COL21A1: variants seen among roughly 807,000 people sequenced by gnomAD.
COL21A1 encodes the protein collagen alpha-1(XXI) chain.
Under a neutral mutation model 137.9 loss-of-function variants are expected in COL21A1, and 149 were observed. The ratio of observed to expected loss-of-function variants is 1.08; its 90% CI spans 0.95 to 1.24. The LOEUF (loss-of-function observed/expected upper bound fraction) is 1.24, where lower values mean the gene tolerates loss of function less well. COL21A1 is among the 50% of genes most tolerant of loss of function. COL21A1 has a pLI of 0.00. For missense variants in COL21A1, 1,167 were observed against 1,158.4 expected (o/e 1.01, Z -0.11); for synonymous variants, 456 against 391.5 (o/e 1.16, Z -1.95).
chr6:56,128,172 T>G (rs559846896), intron 12 of COL21A1, among the ~76,000 whole-genome samples: 43 of 152,186 alleles, frequency 2.8e-4, no homozygotes, highest in Non-Finnish European at 5.7e-4. Context: ...TTTTGTTTGC[T>G]TGTTTTTGGT....
At chr6:56,161,738 T>C (rs568679993) in intron 9 of COL21A1, among the ~76,000 whole-genome samples, 2 of 152,278 alleles carry the variant, frequency 1.3e-5, no homozygotes, top group African/African-American at 4.8e-5. Context: ...TGATGCCTGA[T>C]AAAGAGTTAC....
Position 56,295,399 on chromosome 6 carries a change from T to C in COL21A1, c.-39+98572A>G, listed in dbSNP as rs566688770. 2.2e-3 allele frequency among the ~76,000 whole-genome samples: 337 copies of C among 152,106 alleles called. 2 individuals carry two copies. The highest frequency in any genetic ancestry group is 7.7e-3 in the African/African-American group (320 of 41,540). On this transcript the variant is annotated intron_variant, in intron 1 of 28. Coordinates refer to the COL21A1 transcript ENST00000370819. ...GCTATGTCGACCTGCTGACTTTGCT[T>C]TTCTCCTTCAATATGTTTTTATTCT... is the stretch of plus-strand genomic sequence containing the variant.
At chr6:56,068,143 A>T (rs1271175911) in intron 22 of COL21A1, among the ~76,000 whole-genome samples, 1 of 151,594 alleles carries the variant, frequency 6.6e-6, no homozygotes, top group East Asian at 1.9e-4. Flanking sequence ...TTATGTGGGG[A>T]CACTTCTGTC....
intron 1 of COL21A1, among the ~76,000 whole-genome samples, chr6:56,335,920 G>A (rs542439197): frequency 2.6e-5 from 4 of 152,306 alleles, no homozygotes; most frequent in Admixed American, 6.5e-5. Context: ...AACTGTGAGA[G>A]TCTGGGGGAC....
At chr6:56,243,805 A>G (rs1782489571) in intron 1 of COL21A1, among the ~76,000 whole-genome samples, 1 of 152,212 alleles carries the variant, frequency 6.6e-6, no homozygotes, top group South Asian at 2.1e-4. Flanking sequence ...CTGGCTGCAG[A>G]GTACCTTGTC....
intron 1 of COL21A1, among the ~76,000 whole-genome samples, chr6:56,246,192 A>C (rs1173043244): frequency 1.3e-5 from 2 of 152,188 alleles, no homozygotes; most frequent in African/African-American, 2.4e-5. Context: ...GAATCCCTTA[A>C]ACCCTCAACT....
chr6:56,123,059 A>C (rs1300512582), intron 16 of COL21A1, among the ~76,000 whole-genome samples: 1 of 152,234 alleles, frequency 6.6e-6, no homozygotes, highest in Non-Finnish European at 1.5e-5. Context: ...ATGAATGCTT[A>C]GGTTGCAGGC....
At chr6:56,113,346 T>A (rs1414143573) in intron 16 of COL21A1, among the ~76,000 whole-genome samples, 1 of 152,148 alleles carries the variant, frequency 6.6e-6, no homozygotes, top group Non-Finnish European at 1.5e-5. Context: ...CTTTGTCTTG[T>A]ATCTTGAATA....
At chr6:56,201,918 T>C (rs1779434273) in intron 1 of COL21A1, among the ~76,000 whole-genome samples, 1 of 152,192 alleles carries the variant, frequency 6.6e-6, no homozygotes, top group Non-Finnish European at 1.5e-5. Flanking sequence ...ATTTTTAAAC[T>C]TGTTTCATAA....
At chr6:56,280,418 T>C (rs1023671156) in intron 1 of COL21A1, among the ~76,000 whole-genome samples, 3 of 152,124 alleles carry the variant, frequency 2.0e-5, no homozygotes, top group African/African-American at 7.2e-5. Context: ...TGCAGCTCAG[T>C]GTAACTATCA....
chr6:56,227,193 T>C (rs1026425211), intron 1 of COL21A1, among the ~76,000 whole-genome samples: 2 of 152,000 alleles, frequency 1.3e-5, no homozygotes, highest in African/African-American at 2.4e-5. Context: ...GTTTACCAGA[T>C]GTGAAGTTCA....
At chr6:56,351,704 G>T (rs1765714747) in intron 1 of COL21A1, among the ~76,000 whole-genome samples, 3 of 152,236 alleles carry the variant, frequency 2.0e-5, no homozygotes. Flanking sequence ...CCAGAGGCAG[G>T]CCTCTTTGAA....
intron 1 of COL21A1, among the ~76,000 whole-genome samples, chr6:56,285,864 C>T (rs1763900673): frequency 7.0e-6 from 1 of 143,628 alleles, no homozygotes; most frequent in South Asian, 2.4e-4. Context: ...ATCTCCCAAA[C>T]ACAGCTTGCT....
intron 1 of COL21A1, among the ~76,000 whole-genome samples, chr6:56,328,699 G>C (rs1488783209): frequency 6.6e-6 from 1 of 151,990 alleles, no homozygotes; most frequent in Non-Finnish European, 1.5e-5. Context: ...AAACAAAAAG[G>C]AGTTACTTTG....
intron 17 of COL21A1, among the ~76,000 whole-genome samples, chr6:56,080,737 T>TTTAA (rs763718143): frequency 6.6e-6 from 1 of 151,900 alleles, no homozygotes; most frequent in Non-Finnish European, 1.5e-5. Context: ...GGTAGAGATA[T>TTTAA]TTAATATCCA....
intron 16 of COL21A1, among the ~76,000 whole-genome samples, chr6:56,110,490 G>A (rs948366223): frequency 2.0e-5 from 3 of 151,496 alleles, no homozygotes; most frequent in Non-Finnish European, 2.9e-5. Context: ...CTTGTTTAGT[G>A]AATAAAACTA....
intron 1 of COL21A1, among the ~76,000 whole-genome samples, chr6:56,268,274 C>A (rs961151512): frequency 6.6e-6 from 1 of 152,128 alleles, no homozygotes; most frequent in African/African-American, 2.4e-5. Context: ...ATGGCCTCTA[C>A]CCAAAGTAGC....
chr6:56,126,247 C>G, intron 12 of COL21A1, 98 bp from the exon 13 acceptor site: 1 of 727,664 alleles, frequency 1.4e-6, no homozygotes, highest in Non-Finnish European at 2.3e-6. Flanking sequence ...AAATCCACTT[C>G]AAATCTATCT....
rs1562189091 is a variant in COL21A1, at chr6:56,097,986, TATATATGTAA to T, written c.1812+3476_1812+3485del. 4.6e-3 allele frequency among the ~76,000 whole-genome samples: 210 copies of T among 45,808 alleles called. 3 individuals carry two copies. The highest frequency in any genetic ancestry group is 0.018 in the East Asian group (26 of 1,422). 30.1% of individuals were successfully genotyped at this position (45,808 alleles called of 152,430 possible). A position where few individuals can be genotyped will look rare whatever the true frequency, so the allele number is the denominator to read the frequency against. On this transcript the variant is annotated intron_variant, in intron 17 of 29. Coordinates refer to ENST00000244728, the MANE Select transcript of COL21A1 (RefSeq NM_030820.4). Reference sequence around the variant, plus strand: ...ATATAAATATATAAATATATATAAATATATATGTAAATATATAAATATATAAATATATATA... The same window carrying T: ...ATATAAATATATAAATATATATAAATATATATAAATATATAAATATATATA...
Sources: gnomAD v4.1 joint callset for allele counts (sites outside exome capture counted in the v4.1 genomes callset) on GRCh38, gnomAD v4.1.1 for gene constraint, MANE v1.5 for transcripts, NCBI Gene and HGNC (gene_info 2026-07-23, HGNC 2026-07-21) for gene names.